The following ANO4 variants were observed in gnomAD, a reference collection of about 807,000 sequenced individuals.
ANO4 encodes the protein anoctamin-4.
Under a neutral mutation model 141.9 loss-of-function variants are expected in ANO4, and 69 were observed. The ratio of observed to expected loss-of-function variants is 0.49; its 90% CI spans 0.40 to 0.59. The LOEUF (loss-of-function observed/expected upper bound fraction) is 0.59, where lower values mean the gene tolerates loss of function less well. Among genes scored for constraint, ANO4 ranks in the 20% least tolerant of loss-of-function variants. ANO4 has a pLI of 0.00. For synonymous variants in ANO4, 350 were observed against 394.3 expected (o/e 0.89, Z 1.33); for missense variants, 894 against 1,162.2 (o/e 0.77, Z 3.36).
At chr12:101,081,458 G>A (rs757447259) in intron 15 of ANO4, among the ~76,000 whole-genome samples, 10 of 152,148 alleles carry the variant, frequency 6.6e-5, no homozygotes, top group East Asian at 1.9e-4. Flanking sequence ...GATAAAAAGC[G>A]TGGAGTGCTG....
At chr12:101,037,217 T>C (rs2047235166) in intron 10 of ANO4, 67 bp downstream of exon 10, 6 of 1,498,782 alleles carry the variant, frequency 4.0e-6, no homozygotes, top group Non-Finnish European at 9.2e-7. Flanking sequence ...CTTCTAGAGA[T>C]AGTCAATAAT....
chr12:100,907,562 C>T (rs1476605740), intron 2 of ANO4, among the ~76,000 whole-genome samples: 4 of 152,206 alleles, frequency 2.6e-5, no homozygotes, highest in African/African-American at 9.6e-5. Flanking sequence ...TCACTCCTAA[C>T]ATCATGCGTT....
At chr12:100,909,364 T>C (rs2040998943) in intron 2 of ANO4, among the ~76,000 whole-genome samples, 1 of 152,170 alleles carries the variant, frequency 6.6e-6, no homozygotes, top group Non-Finnish European at 1.5e-5. Context: ...GACCTCTCTC[T>C]TCAGCCTTCA....
At chr12:101,116,577 G>C (rs2050861601) in intron 24 of ANO4, 102 bp from the exon 25 acceptor site, 1 of 1,531,298 alleles carries the variant, frequency 6.5e-7, no homozygotes, top group Non-Finnish European at 9.0e-7. Flanking sequence ...CCAGTTAAAG[G>C]CATTTACAAT....
intron 4 of ANO4, among the ~76,000 whole-genome samples, chr12:100,940,497 G>A (rs1176113971): frequency 6.6e-6 from 1 of 152,176 alleles, no homozygotes; most frequent in Admixed American, 6.5e-5. Context: ...CAGCCTTCTT[G>A]CTTGGCAAAT....
intron 7 of ANO4, among the ~76,000 whole-genome samples, chr12:100,975,746 A>T (rs2044154536): frequency 6.6e-6 from 1 of 151,470 alleles, no homozygotes; most frequent in Non-Finnish European, 1.5e-5. Flanking sequence ...GGCCAATGTT[A>T]TTTTTTTCTA....
At chr12:101,054,440 C>T (rs2048013369) in intron 14 of ANO4, among the ~76,000 whole-genome samples, 1 of 152,068 alleles carries the variant, frequency 6.6e-6, no homozygotes, top group Non-Finnish European at 1.5e-5. Context: ...AACAATTCAA[C>T]AAATTAGGTC....
intron 5 of ANO4, among the ~76,000 whole-genome samples, chr12:100,964,189 C>T (rs2043547809): frequency 6.6e-6 from 1 of 152,120 alleles, no homozygotes; most frequent in Admixed American, 6.6e-5. Context: ...ATAGTGTGAG[C>T]CTCTCAGCTT....
chr12:100,775,506 T>C (rs918348568), intron 3 of ANO4, among the ~76,000 whole-genome samples: 1 of 152,240 alleles, frequency 6.6e-6, no homozygotes, highest in African/African-American at 2.4e-5. Context: ...CAAACAGATC[T>C]GGGCTGGATT....
At chr12:100,998,031 T>G (rs144460642) in intron 8 of ANO4, among the ~76,000 whole-genome samples, 168 of 152,298 alleles carry the variant, frequency 1.1e-3, no homozygotes, top group African/African-American at 3.8e-3. Context: ...GTAAACTTGA[T>G]TGGATTGAAG....
In ANO4 at chr12:100,806,523, CGTT is replaced by C. The variant is rs2035041143; in HGVS notation, c.-141+11497_-141+11499del. ...TTTTTAGGAGGTTTTTTTTTTGTTTCGTTTTTTTTTTTTTTTTTTTTTTTTTTT... is the reference window on the plus strand; with the variant it reads ...TTTTTAGGAGGTTTTTTTTTTGTTTCTTTTTTTTTTTTTTTTTTTTTTTTT... On this transcript the variant is annotated intron_variant, in intron 1 of 27. Transcript: ENST00000392977. 5.1e-4 allele frequency among the ~76,000 whole-genome samples: 23 copies of C among 44,980 alleles called. 6 individuals are homozygous for C. The highest frequency in any genetic ancestry group is 1.7e-3 in the African/African-American group (23 of 13,674). 29.5% of individuals were successfully genotyped at this position (44,980 alleles called of 152,430 possible).
At position 100,976,671 on chromosome 12, in the gene ANO4, C is replaced by T. The variant is rs533629476; in HGVS notation, c.602+1782C>T. On this transcript the variant is annotated intron_variant, in intron 7 of 27. Transcript: ENST00000392977. The stretch of plus-strand genomic sequence containing the variant: ...GCAGCTAATGCTGCTGGTCACGGGA[C>T]GATGTTTTGGAAACCATTGGTCTGT... 1.3e-4 allele frequency among the ~76,000 whole-genome samples: 20 copies of T among 152,260 alleles called. No individual in the cohort carries two copies. In the South Asian group the frequency reaches 2.7e-3, roughly 21 times the overall value.
chr12:100,717,283 G>A (rs530291241), upstream of ANO4, among the ~76,000 whole-genome samples: 86 of 151,618 alleles, frequency 5.7e-4, no homozygotes, highest in African/African-American at 2.0e-3. Context: ...GACCCGGAGC[G>A]CGGCTGCCGG....
At chr12:100,942,680 C>A (rs973043494) in intron 5 of ANO4, 145 bp downstream of exon 5, 5 of 844,614 alleles carry the variant, frequency 5.9e-6, no homozygotes, top group African/African-American at 5.2e-5. Context: ...GGGAATGTTC[C>A]AATATTTAGA....
intron 14 of ANO4, among the ~76,000 whole-genome samples, chr12:101,058,170 G>A (rs2048202193): frequency 1.3e-5 from 2 of 152,172 alleles, no homozygotes; most frequent in Admixed American, 6.5e-5. Context: ...TTAGATGGTT[G>A]TAGAAATGTG....
intron 5 of ANO4, among the ~76,000 whole-genome samples, chr12:100,944,422 A>G (rs1026445532): frequency 1.5e-4 from 23 of 152,208 alleles, no homozygotes; most frequent in Non-Finnish European, 1.5e-5. Context: ...ACTGGAAAAA[A>G]TAGCAATTGG....
intron 1 of ANO4, among the ~76,000 whole-genome samples, chr12:100,728,794 G>A (rs944970927): frequency 6.6e-6 from 1 of 151,926 alleles, no homozygotes; most frequent in South Asian, 2.1e-4. Flanking sequence ...CATAATTTCC[G>A]CACTTCTCTA....
chr12:100,820,605 C>T (rs370234593), intron 1 of ANO4, among the ~76,000 whole-genome samples: 48 of 152,100 alleles, frequency 3.2e-4, no homozygotes, highest in Admixed American at 1.1e-3. Flanking sequence ...GTAGTACTTG[C>T]GCAGTTCTAT....
intron 12 of ANO4, among the ~76,000 whole-genome samples, chr12:101,043,006 A>G (rs1593105921): frequency 6.6e-6 from 1 of 152,348 alleles, no homozygotes; most frequent in Non-Finnish European, 1.5e-5. Flanking sequence ...TTTAAATGTG[A>G]TTGCAAAAAT....
Sources: gnomAD v4.1 joint callset for allele counts (sites outside exome capture counted in the v4.1 genomes callset) on GRCh38, gnomAD v4.1.1 for gene constraint, MANE v1.5 for transcripts, NCBI Gene and HGNC (gene_info 2026-07-23, HGNC 2026-07-21) for gene names.